Variants in NDUFS1 observed in about 807,000 individuals in gnomAD.
NDUFS1 encodes NADH:ubiquinone oxidoreductase core subunit S1, also known as NADH-ubiquinone oxidoreductase 75 kDa subunit, mitochondrial.
Under a neutral mutation model 84.4 loss-of-function variants are expected in NDUFS1, and 61 were observed. The ratio of observed to expected loss-of-function variants is 0.72; its 90% CI spans 0.59 to 0.89. NDUFS1 has a LOEUF of 0.89. NDUFS1 is among the 40% of genes least tolerant of loss of function. The pLI is 0.00. For synonymous variants in NDUFS1, 275 were observed against 290.0 expected (o/e 0.95, Z 0.53); for missense variants, 891 against 890.0 (o/e 1.00, Z -0.01).
intron 10 of NDUFS1, among the ~76,000 whole-genome samples, 183 bp downstream of exon 10, chr2:206,143,835 T>C (rs1692055593): frequency 1.3e-5 from 2 of 151,670 alleles, no homozygotes; most frequent in African/African-American, 2.4e-5. Flanking sequence ...CTCTGGTCTT[T>C]ATATCCCTTA....
rs769880748 is a variant in NDUFS1, at chr2:206,127,848, T to C, written c.1833A>G (p.Thr611=). ...AGTCTTCTCTTGCCAAGCCAGGAGG[T>C]GTCACTGCTACCTTAGTCTGCTGAG... is the stretch of plus-strand genomic sequence containing the variant. ...GRAQQTKVAV[T]PPGLAREDWK... Residue 611 remains threonine (T), a synonymous_variant, in exon 16 of 19, where the codon ACA becomes ACG. Transcript: ENST00000233190. 187 of 1,613,952 alleles carry C rather than the reference T, an allele frequency of 1.2e-4. No homozygotes were observed. The highest frequency in any genetic ancestry group is 1.5e-4 in the Non-Finnish European group (180 of 1,180,018).
At chr2:206,137,904 A>G (rs1478164964) in intron 13 of NDUFS1, among the ~76,000 whole-genome samples, 1 of 152,220 alleles carries the variant, frequency 6.6e-6, no homozygotes, top group Admixed American at 6.5e-5. Context: ...TAATTTCAAG[A>G]AAATTAAACT....
In NDUFS1 at chr2:206,122,212, T is replaced by G. The variant is rs1132859; in HGVS notation, c.*1973A>C. ...CTGGTCTTGAACTCCTGGCCTCAAC[T>G]GATCTTCCTGCCTTGAACCCCCAAA... On this transcript the variant is annotated 3_prime_UTR_variant, in exon 19 of 19. Coordinates refer to ENST00000233190, the MANE Select transcript of NDUFS1 (RefSeq NM_005006.7). 1.3e-5 allele frequency: 2 copies of G among 150,820 alleles called. No individual in the cohort carries two copies. Among genetic ancestry groups the G allele is most frequent in the Non-Finnish European group, 2.9e-5 (2 of 67,802 alleles). 9.3% of individuals were successfully genotyped at this position (150,820 alleles called of 1,614,324 possible).
Position 206,124,158 on chromosome 2 carries a change from G to A in NDUFS1, c.*27C>T, listed in dbSNP as rs369746514. ...CTACAGTTGTCCATTAATTATCTGC[G>A]GCAAAACTGGGATCCTAGTAGAAGC... On this transcript the variant is annotated 3_prime_UTR_variant, in exon 19 of 19. Transcript: ENST00000233190. The A allele has an allele frequency of 7.3e-5, 107 of 1,471,276 alleles. No individual in the cohort carries two copies. Among genetic ancestry groups the A allele is most frequent in the South Asian group, 1.0e-4 (9 of 88,158 alleles). The allele number at this position is 1,471,276 out of a possible 1,614,324, so 91.1% of individuals were successfully genotyped here.
rs1182062177 is a variant in NDUFS1 at position 206,119,332 on chromosome 2, T to A, written c.*4853A>T. Reference sequence around the variant, plus strand: ...ACAATTTTTATCCTCATTTTACAGATGAAGAAATACTCTTAAAGAAAATGT... The same window carrying A: ...ACAATTTTTATCCTCATTTTACAGAAGAAGAAATACTCTTAAAGAAAATGT... On this transcript the variant is annotated 3_prime_UTR_variant, in exon 19 of 19. Transcript: ENST00000233190. 2.0e-5 allele frequency: 3 copies of A among 152,200 alleles called. No individual in the cohort carries two copies. The highest frequency in any genetic ancestry group is 4.4e-5 in the Non-Finnish European group (3 of 68,034). The allele number at this position is 152,200 out of a possible 1,614,324, so 9.4% of individuals were successfully genotyped here.
chr2:206,128,214 G>A (rs1691368815), intron 15 of NDUFS1, among the ~76,000 whole-genome samples: 6 of 151,948 alleles, frequency 3.9e-5, no homozygotes, highest in Admixed American at 3.9e-4. Context: ...CGCCCAGGCT[G>A]GAGTGCAGTG....
At chr2:206,142,611 G>C (rs889184447) in intron 11 of NDUFS1, 75 bp downstream of exon 11, 6 of 1,564,938 alleles carry the variant, frequency 3.8e-6, no homozygotes, top group South Asian at 1.1e-5. Context: ...GGAGAATCCA[G>C]GTTGTCACAT....
In NDUFS1 at chr2:206,149,051, G is replaced by C; in HGVS notation, c.307C>G (p.Leu103Val). 4 of 1,613,084 alleles carry C rather than the reference G, an allele frequency of 2.5e-6. No homozygotes were observed. Among genetic ancestry groups the C allele is most frequent in the Non-Finnish European group, 3.4e-6 (4 of 1,179,578 alleles). Residue 103 changes from leucine (L) to valine (V), a missense_variant, in exon 5 of 19, where the codon CTA becomes GTA. By Grantham distance (32) the Leu-to-Val change is conservative. Coordinates refer to ENST00000233190, the MANE Select transcript of NDUFS1 (RefSeq NM_005006.7). ...AMPVMKGWNI[L>V]TNSEKSKKAR... ...TTTTTGGATTTTTCTGAGTTTGTTA[G>C]GATATTCCAACCCTTCATTACTGGC...
At chr2:206,143,149 G>GA (rs1692027991) in intron 10 of NDUFS1, among the ~76,000 whole-genome samples, 1 of 152,182 alleles carries the variant, frequency 6.6e-6, no homozygotes, top group Non-Finnish European at 1.5e-5. Flanking sequence ...CTGCTCGGGA[G>GA]GATGAGGCAG....
At chr2:206,135,817 A>AT (rs1224185999) in intron 13 of NDUFS1, among the ~76,000 whole-genome samples, 1 of 152,000 alleles carries the variant, frequency 6.6e-6, no homozygotes, top group Non-Finnish European at 1.5e-5. Context: ...TTTAATCATA[A>AT]TTTTTTTTCT....
intron 1 of NDUFS1, among the ~76,000 whole-genome samples, chr2:206,156,235 C>G (rs2105775760): frequency 6.9e-6 from 1 of 144,702 alleles, no homozygotes; most frequent in South Asian, 2.2e-4. Context: ...TGCACTCCAG[C>G]CTGGGCGACA....
rs1030872990 is a variant in NDUFS1, at chr2:206,115,403, T to C, written c.*8782A>G. On this transcript the variant is annotated 3_prime_UTR_variant, in exon 19 of 19. Transcript: ENST00000233190. ...GGACTCTGGCCTCATATTTGATTGATGCCATTATAAAAAGGGTTTGCGGGA... is the reference window on the plus strand; with the variant it reads ...GGACTCTGGCCTCATATTTGATTGACGCCATTATAAAAAGGGTTTGCGGGA... 3.1e-5 allele frequency: 5 copies of C among 160,996 alleles called. No individual in the cohort carries two copies. The highest frequency in any genetic ancestry group is 1.2e-4 in the African/African-American group (5 of 41,520). The allele number at this position is 160,996 out of a possible 1,614,324, so 10.0% of individuals were successfully genotyped here.
chr2:206,133,058 T>C lies in NDUFS1; in HGVS notation c.1440A>G (p.Ala480=), dbSNP rs371200395. The change falls in exon 14 of 19, where the codon GCA becomes GCG. Residue 480 remains alanine (A), a synonymous_variant. Transcript: ENST00000233190. ...TTGCTGCTCCATCATTTCTTTGGAGTGCAGAACTGCCTAAAACCACCATTG... is the reference window on the plus strand; with the variant it reads ...TTGCTGCTCCATCATTTCTTTGGAGCGCAGAACTGCCTAAAACCACCATTG... The part of the protein sequence containing the change: ...KKPMVVLGSS[A]LQRNDGAAIL... 6.8e-6 allele frequency: 11 copies of C among 1,613,722 alleles called. No homozygotes were observed. The African/African-American group carries it at 1.2e-4, about 18-fold the overall frequency.
chr2:206,149,827 T>C lies in NDUFS1; in HGVS notation c.252A>G (p.Lys84=). The change falls in exon 4 of 19, where the codon AAA becomes AAG. Residue 84 remains lysine, a synonymous_variant. Transcript: ENST00000233190. ...NCRMCLVEIE[K]APKVVAACAM... ...TTTAGGTATCAAGTACCTTAGGGGC[T>C]TTCTCAATTTCAACAAGGCACATCC... 1 of 1,612,226 alleles carries C rather than the reference T, an allele frequency of 6.2e-7. No homozygotes were observed. The highest frequency in any genetic ancestry group is 8.5e-7 in the Non-Finnish European group (1 of 1,179,074).
chr2:206,128,682 G>A (rs1339603910), intron 15 of NDUFS1, among the ~76,000 whole-genome samples: 1 of 151,782 alleles, frequency 6.6e-6, no homozygotes, highest in African/African-American at 2.4e-5. Context: ...CAAGAGGGCT[G>A]AGGCATGAGA....
At chr2:206,126,634 A>G (rs762263731) in intron 17 of NDUFS1, 23 bp from the exon 18 acceptor site, 1 of 1,614,152 alleles carries the variant, frequency 6.2e-7, no homozygotes, top group South Asian at 1.1e-5. Context: ...GAAGAGATCA[A>G]CAATAATATG....
intron 10 of NDUFS1, among the ~76,000 whole-genome samples, 159 bp from the exon 11 acceptor site, chr2:206,142,990 G>A (rs1426320879): frequency 6.6e-6 from 1 of 152,220 alleles, no homozygotes; most frequent in Non-Finnish European, 1.5e-5. Context: ...ACTGGCTCAT[G>A]CCTGTAATCC....
At position 206,123,723 on chromosome 2, in the gene NDUFS1, T is replaced by G. The variant is rs1691173739; in HGVS notation, c.*462A>C. 6.4e-6 allele frequency: 1 copy of G among 155,448 alleles called. No individual in the cohort carries two copies. Among genetic ancestry groups the G allele is most frequent in the East Asian group, 1.9e-4 (1 of 5,314 alleles). The allele number at this position is 155,448 out of a possible 1,614,324, so 9.6% of individuals were successfully genotyped here. On this transcript the variant is annotated 3_prime_UTR_variant, in exon 19 of 19. Transcript: ENST00000233190. Reference sequence around the variant, plus strand: ...TTATCATTAGCCATTGTTACTATGATTATTATTAATTATAATTATCCTAGA... The same window carrying G: ...TTATCATTAGCCATTGTTACTATGAGTATTATTAATTATAATTATCCTAGA...
Position 206,123,197 on chromosome 2 carries a change from AAT to A in NDUFS1, c.*986_*987del, listed in dbSNP as rs1157046112. 2 of 152,052 alleles carry A rather than the reference AAT, an allele frequency of 1.3e-5. No homozygotes were observed. The highest frequency in any genetic ancestry group is 2.9e-5 in the Non-Finnish European group (2 of 68,010). 9.4% of individuals were successfully genotyped at this position (152,052 alleles called of 1,614,324 possible). ...TGGTTGTTTTGTCTCCTATTGCTGAAATAATTTAGTTGATTTAACACTACAGA... is the reference window on the plus strand; with the variant it reads ...TGGTTGTTTTGTCTCCTATTGCTGAAAATTTAGTTGATTTAACACTACAGA... On this transcript the variant is annotated 3_prime_UTR_variant, in exon 19 of 19. Coordinates refer to ENST00000233190, the MANE Select transcript of NDUFS1 (RefSeq NM_005006.7).
Sources: gnomAD v4.1 joint callset for allele counts (sites outside exome capture counted in the v4.1 genomes callset) on GRCh38, gnomAD v4.1.1 for gene constraint, MANE v1.5 for transcripts, NCBI Gene and HGNC (gene_info 2026-07-23, HGNC 2026-07-21) for gene names.